The following MS4A14 variants were observed in gnomAD, a reference collection of about 807,000 sequenced individuals.
MS4A14 encodes the protein membrane spanning 4-domains A14.
MS4A14 carries 18 observed loss-of-function variants against 16.7 expected under a neutral mutation model. The observed-to-expected ratio is 1.08, with a 90% confidence interval of 0.75 to 1.60. The LOEUF is 1.60. Among genes scored for constraint, MS4A14 ranks in the 40% most tolerant of loss-of-function variants. The pLI is 0.00. For missense variants in MS4A14, 812 were observed against 775.3 expected (o/e 1.05, Z -0.56); for synonymous variants, 305 against 289.4 (o/e 1.05, Z -0.55).
chr11:60,400,582 C>A, intron 3 of MS4A14, 128 bp downstream of exon 3: 2 of 558,300 alleles, frequency 3.6e-6, no homozygotes, highest in Non-Finnish European at 6.3e-6. Context: ...CAGTTCAGAT[C>A]ATTCCTATTT....
intron 1 of MS4A14, among the ~76,000 whole-genome samples, chr11:60,397,257 T>G (rs574935472): frequency 6.6e-6 from 1 of 152,270 alleles, no homozygotes; most frequent in South Asian, 2.1e-4. Flanking sequence ...TTCTTTTCCC[T>G]GCAGATTCCT....
chr11:60,399,306 C>T (rs551062293), intron 2 of MS4A14, among the ~76,000 whole-genome samples: 1 of 152,304 alleles, frequency 6.6e-6, no homozygotes, highest in South Asian at 2.1e-4. Flanking sequence ...TTCTGCGTAG[C>T]TGCTCACTAG....
At chr11:60,396,749 AG>A (rs762447057) in intron 1 of MS4A14, 33 bp downstream of exon 1, 3 of 1,596,090 alleles carry the variant, frequency 1.9e-6, no homozygotes, top group African/African-American at 1.4e-5. Flanking sequence ...GTCTTCCAGA[AG>A]GGGAGAAAAG....
chr11:60,416,652 C>G lies in MS4A14; in HGVS notation c.1684C>G (p.Pro562Ala), dbSNP rs986119273. ...AQLNQTKEQL[P>A]DQQAEDQQAK... Reference sequence around the variant, plus strand: ...ACTTAATCAAACTAAAGAGCAACTCCCAGATCAGCAAGCTGAAGATCAGCA... The same window carrying G: ...ACTTAATCAAACTAAAGAGCAACTCGCAGATCAGCAAGCTGAAGATCAGCA... The change falls in exon 5 of 5, where the codon CCA (proline) becomes GCA (alanine). Residue 562 changes from proline (P) to alanine (A), a missense_variant. Transcript: ENST00000300187. 1 of 1,613,630 alleles carries G rather than the reference C, an allele frequency of 6.2e-7. No homozygotes were observed. The highest frequency in any genetic ancestry group is 1.3e-5 in the African/African-American group (1 of 74,844).
At chr11:60,406,037 T>C (rs1477986884) in intron 4 of MS4A14, 1 of 1,162,408 alleles carries the variant, frequency 8.6e-7, no homozygotes, top group Admixed American at 3.2e-5. Flanking sequence ...TTCCTGTTCC[T>C]GTTGGGATAC....
Position 60,415,944 on chromosome 11 carries a change from C to G in MS4A14, c.976C>G (p.Pro326Ala), listed in dbSNP as rs763488810. 2.4e-5 allele frequency: 38 copies of G among 1,613,860 alleles called. No homozygotes were observed. Among genetic ancestry groups the G allele is most frequent in the Non-Finnish European group, 3.1e-5 (36 of 1,179,946 alleles). ...SPEDLPSQAL[P>A]VEGLSEQTMP... ...TGAAGACTTGCCATCCCAAGCTCTA[C>G]CAGTAGAAGGCCTGTCAGAACAAAC... Residue 326 changes from proline to alanine, a missense_variant, in exon 5 of 5, where the codon CCA (proline) becomes GCA (alanine). By Grantham distance (27) the Pro-to-Ala change is conservative (BLOSUM62 -1). Coordinates refer to ENST00000300187, the MANE Select transcript of MS4A14 (RefSeq NM_032597.5).
Position 60,402,956 on chromosome 11 carries a change from G to A in MS4A14, c.363G>A (p.Ala121=), listed in dbSNP as rs752152554. Residue 121 remains alanine (A), a synonymous_variant, in exon 4 of 5, where the codon GCG becomes GCA. Transcript: ENST00000300187. ...TGMNVISSLV[A]ITGITFTILS... ...TGAATGTTATCAGCTCCTTGGTTGC[G>A]ATAACTGGGATTACTTTCACCATTC... is the stretch of plus-strand genomic sequence containing the variant. 87 of 1,613,650 alleles carry A rather than the reference G, an allele frequency of 5.4e-5. No homozygotes were observed. The highest frequency in any genetic ancestry group is 3.6e-4 in the East Asian group (16 of 44,876).
chr11:60,403,142 AT>A, intron 4 of MS4A14, 81 bp downstream of exon 4: 1 of 1,440,908 alleles, frequency 6.9e-7, no homozygotes, highest in Non-Finnish European at 9.7e-7. Flanking sequence ...ACTGATTTTT[AT>A]TTTATTAAAT....
rs2085692775 is a variant in MS4A14, at chr11:60,400,292, C to T, written c.268-112C>T. On this transcript the variant is annotated intron_variant, in intron 2 of 4. Transcript: ENST00000300187. ...ACTCCCTGATGCTCAGGTGGAAAAA[C>T]GGGATGGTCTTGGAGATTCACAAAC... 1.3e-5 allele frequency: 8 copies of T among 628,974 alleles called. No homozygotes were observed. The South Asian group carries it at 1.7e-4, about 13-fold the overall frequency. The allele number at this position is 628,974 out of a possible 1,614,324, so 39.0% of individuals were successfully genotyped here.
At chr11:60,400,370 A>C (rs1362106917) in intron 2 of MS4A14, 34 bp from the exon 3 acceptor site, 1 of 1,471,410 alleles carries the variant, frequency 6.8e-7, no homozygotes, top group Non-Finnish European at 9.4e-7. Context: ...CAAACACATC[A>C]CCTGTTAACT....
intron 4 of MS4A14, chr11:60,404,495 T>C: frequency 2.2e-6 from 1 of 454,508 alleles, no homozygotes; most frequent in Non-Finnish European, 4.4e-6. Context: ...CTTAACAGCC[T>C]TACCAAACCC....
chr11:60,400,613 GACAGACATTCTT>G (rs1304843905), intron 3 of MS4A14, among the ~76,000 whole-genome samples, 159 bp downstream of exon 3: 1 of 152,146 alleles, frequency 6.6e-6, no homozygotes, highest in Non-Finnish European at 1.5e-5. Flanking sequence ...CTGTTTGCCT[GACAGACATTCTT>G]ACACTTGTTC....
At position 60,417,202 on chromosome 11, in the gene MS4A14, T is replaced by A; in HGVS notation, c.*194T>A. Reference sequence around the variant, plus strand: ...CTCAAGATAAAGACCAACAAGACCTTCAATCCAGAGTTACACAAAAAGGAG... The same window carrying A: ...CTCAAGATAAAGACCAACAAGACCTACAATCCAGAGTTACACAAAAAGGAG... On this transcript the variant is annotated 3_prime_UTR_variant, in exon 5 of 5. Transcript: ENST00000300187. 1.7e-6 allele frequency: 1 copy of A among 605,216 alleles called. No homozygotes were observed. Among genetic ancestry groups the A allele is most frequent in the Non-Finnish European group, 2.7e-6 (1 of 366,476 alleles). The allele number at this position is 605,216 out of a possible 1,614,324, so 37.5% of individuals were successfully genotyped here. A position where few individuals can be genotyped will look rare whatever the true frequency, so the allele number is the denominator to read the frequency against.
At chr11:60,410,144 T>G (rs944378513) in intron 4 of MS4A14, among the ~76,000 whole-genome samples, 156 of 152,290 alleles carry the variant, frequency 1.0e-3, no homozygotes, top group African/African-American at 3.6e-3. Context: ...AAGGCATGAG[T>G]CACCACACCC....
At chr11:60,408,481 C>G (rs953245014) in intron 4 of MS4A14, among the ~76,000 whole-genome samples, 2 of 152,134 alleles carry the variant, frequency 1.3e-5, no homozygotes, top group Admixed American at 1.3e-4. Context: ...CCTGATTGCC[C>G]CTGGTACCCT....
At chr11:60,397,771 G>A in intron 1 of MS4A14, 81 bp from the exon 2 acceptor site, 1 of 1,361,592 alleles carries the variant, frequency 7.3e-7, no homozygotes, top group Non-Finnish European at 1.0e-6. Flanking sequence ...GTGTGCCATG[G>A]AGGCACACCC....
At chr11:60,408,966 C>A (rs1440090818) in intron 4 of MS4A14, among the ~76,000 whole-genome samples, 2 of 151,920 alleles carry the variant, frequency 1.3e-5, no homozygotes, top group Non-Finnish European at 2.9e-5. Flanking sequence ...TCAATACCAA[C>A]CAACAGGGGA....
chr11:60,397,064 C>T (rs1274271856), intron 1 of MS4A14, among the ~76,000 whole-genome samples: 1 of 152,146 alleles, frequency 6.6e-6, no homozygotes, highest in East Asian at 1.9e-4. Flanking sequence ...CACAGTGAAC[C>T]AAATGATAAG....
chr11:60,416,002 A>C lies in MS4A14; in HGVS notation c.1034A>C (p.Lys345Thr). 1 of 1,613,916 alleles carries C rather than the reference A, an allele frequency of 6.2e-7. No homozygotes were observed. The highest frequency in any genetic ancestry group is 8.5e-7 in the Non-Finnish European group (1 of 1,179,924). Reference sequence around the variant, plus strand: ...TCTAAGTCTACATCATCCCATGTCAAACAGTCTTCTAATCTGACAGCTAAT... The same window carrying C: ...TCTAAGTCTACATCATCCCATGTCACACAGTCTTCTAATCTGACAGCTAAT... Reference protein sequence around the residue: ...MPSKSTSSHVKQSSNLTANDL... With the variant: ...MPSKSTSSHVTQSSNLTANDL... The change falls in exon 5 of 5, where the codon AAA (lysine) becomes ACA (threonine). Residue 345 changes from lysine (K) to threonine (T), a missense_variant. By Grantham distance (78) the Lys-to-Thr change is moderately conservative. Transcript: ENST00000300187.
Sources: allele counts gnomAD v4.1 joint callset (sites outside exome capture counted in the v4.1 genomes callset), GRCh38; gene constraint gnomAD v4.1.1; transcripts MANE v1.5; gene names NCBI Gene and HGNC (gene_info 2026-07-23, HGNC 2026-07-21).